SNX29: variants seen among roughly 807,000 people sequenced by gnomAD.
SNX29 encodes the protein sorting nexin 29.
SNX29 carries 78 observed loss-of-function variants against 102.1 expected under a neutral mutation model. The ratio of observed to expected loss-of-function variants is 0.76; its 90% confidence interval spans 0.64 to 0.92. The LOEUF (loss-of-function observed/expected upper bound fraction) is 0.92. SNX29 is among the 40% of genes least tolerant of loss of function. The probability of loss-of-function intolerance (pLI) is 0.00; values close to 1 mark genes in which losing one functional copy is unlikely to be tolerated. For missense variants in SNX29, 1,280 were observed against 1,061.7 expected (o/e 1.21, Z -2.86); for synonymous variants, 580 against 414.5 (o/e 1.40, Z -4.85).
chr16:12,545,978 G>C lies in SNX29; in HGVS notation c.2318+21137G>C, dbSNP rs548983492. Among the ~76,000 whole-genome samples the C allele has an allele frequency of 5.3e-5, 8 of 152,268 alleles. No homozygotes were observed. In the East Asian group the frequency reaches 7.7e-4, roughly 15 times the overall value. ...AAGGGCAGGATGTGTGCTTCAGTGG[G>C]CACTGTAGTTTGAACACCTGGATGC... On this transcript the variant is annotated intron_variant, in intron 20 of 20. Transcript: ENST00000566228.
At chr16:12,277,416 C>T (rs1422460273) in intron 14 of SNX29, among the ~76,000 whole-genome samples, 1 of 151,956 alleles carries the variant, frequency 6.6e-6, no homozygotes, top group African/African-American at 2.4e-5. Context: ...AAAAAACAAA[C>T]AAAACCTCCA....
chr16:12,386,257 C>T (rs371044058), intron 16 of SNX29, among the ~76,000 whole-genome samples: 2 of 152,220 alleles, frequency 1.3e-5, no homozygotes, highest in East Asian at 1.9e-4. Flanking sequence ...GTGCGGCTTC[C>T]AGATAATGAT....
chr16:12,016,925 C>T (rs2056866254), intron 3 of SNX29, among the ~76,000 whole-genome samples: 1 of 151,666 alleles, frequency 6.6e-6, no homozygotes, highest in Non-Finnish European at 1.5e-5. Context: ...CCAGGAGTTA[C>T]AGACCAGCCT....
intron 11 of SNX29, among the ~76,000 whole-genome samples, chr16:12,097,303 G>C (rs150237380): frequency 6.6e-6 from 1 of 152,358 alleles, no homozygotes; most frequent in African/African-American, 2.4e-5. Flanking sequence ...GTGGCCGGTG[G>C]AGCTGGGTTG....
At chr16:12,387,893 C>G (rs1388153231) in intron 16 of SNX29, among the ~76,000 whole-genome samples, 4 of 152,178 alleles carry the variant, frequency 2.6e-5, no homozygotes, top group African/African-American at 7.2e-5. Context: ...GGAAATTAAA[C>G]TCTAAGGAAG....
chr16:12,446,298 C>T (rs1363710959), intron 18 of SNX29, among the ~76,000 whole-genome samples: 3 of 152,286 alleles, frequency 2.0e-5, no homozygotes, highest in East Asian at 1.9e-4. Context: ...TCAAGTGATC[C>T]ACCCGCCTTG....
In SNX29 at chr16:12,569,881, TGTGTGTTTC is replaced by T. The variant is rs1287669799; in HGVS notation, c.*1254_*1262del. 78 of 231,602 alleles carry T rather than the reference TGTGTGTTTC, an allele frequency of 3.4e-4. No individual in the cohort carries two copies. The highest frequency in any genetic ancestry group is 1.6e-3 in the African/African-American group (74 of 45,358). 14.3% of individuals were successfully genotyped at this position (231,602 alleles called of 1,614,324 possible). ...GAAATGGACTATGCAAGAGTAAGTTTGTGTGTTTCGCCTTAATCTGAGGCAGAGACACAG... is the reference window on the plus strand; with the variant it reads ...GAAATGGACTATGCAAGAGTAAGTTTGCCTTAATCTGAGGCAGAGACACAG... On this transcript the variant is annotated 3_prime_UTR_variant, in exon 21 of 21. Transcript: ENST00000566228.
chr16:12,549,740 C>A (rs190734611), intron 20 of SNX29, among the ~76,000 whole-genome samples: 1 of 152,206 alleles, frequency 6.6e-6, no homozygotes, highest in Non-Finnish European at 1.5e-5. Flanking sequence ...TGTGTTCCAG[C>A]ATTTACTTTG....
At position 12,487,228 on chromosome 16, in the gene SNX29, C is replaced by T. The variant is rs182817030; in HGVS notation, c.2178+9369C>T. Among the ~76,000 whole-genome samples, 255 of 152,210 alleles carry T rather than the reference C, an allele frequency of 1.7e-3. 1 individual carries two copies. The highest frequency in any genetic ancestry group is 6.0e-3 in the African/African-American group (250 of 41,522). ...GCATTGGGCTGGTAGTGAAGTGGGG[C>T]GAGCAGACACACACGTGCGTTCTCA... is the stretch of plus-strand genomic sequence containing the variant. On this transcript the variant is annotated intron_variant, in intron 19 of 20. Transcript: ENST00000566228.
chr16:12,131,312 C>G (rs769149149), intron 13 of SNX29, among the ~76,000 whole-genome samples: 1 of 152,208 alleles, frequency 6.6e-6, no homozygotes, highest in Non-Finnish European at 1.5e-5. Context: ...TGTTTATATA[C>G]TATTAAAGAA....
At chr16:12,260,006 A>G (rs1418200596) in intron 14 of SNX29, among the ~76,000 whole-genome samples, 2 of 152,144 alleles carry the variant, frequency 1.3e-5, no homozygotes, top group African/African-American at 4.8e-5. Flanking sequence ...ACGTTCCTCC[A>G]GTCTTCTCTT....
At chr16:12,388,519 A>G (rs1407124293) in intron 16 of SNX29, among the ~76,000 whole-genome samples, 1 of 152,204 alleles carries the variant, frequency 6.6e-6, no homozygotes, top group East Asian at 1.9e-4. Flanking sequence ...GCATCTTTCC[A>G]GCTATCAGTT....
At chr16:12,549,857 G>C (rs755527921) in intron 20 of SNX29, among the ~76,000 whole-genome samples, 17 of 152,270 alleles carry the variant, frequency 1.1e-4, no homozygotes, top group Admixed American at 2.0e-4. Context: ...TGACTGTGGT[G>C]AAACAGCCAA....
intron 14 of SNX29, among the ~76,000 whole-genome samples, chr16:12,248,536 T>G (rs956788477): frequency 4.6e-5 from 7 of 151,986 alleles, no homozygotes; most frequent in African/African-American, 1.7e-4. Context: ...ATTACAGGCG[T>G]GCACCACCAT....
chr16:12,479,239 A>G (rs1207552382), intron 19 of SNX29, among the ~76,000 whole-genome samples: 1 of 152,200 alleles, frequency 6.6e-6, no homozygotes, highest in Non-Finnish European at 1.5e-5. Flanking sequence ...TCTTTTGACA[A>G]AGCCATGTGG....
At chr16:12,539,671 G>A (rs1269644163) in intron 20 of SNX29, among the ~76,000 whole-genome samples, 1 of 152,174 alleles carries the variant, frequency 6.6e-6, no homozygotes, top group Non-Finnish European at 1.5e-5. Context: ...GAGGGGCCCA[G>A]TTGCTCTGCA....
intron 20 of SNX29, among the ~76,000 whole-genome samples, chr16:12,552,377 C>T (rs114563084): frequency 6.6e-6 from 1 of 152,200 alleles, no homozygotes; most frequent in Non-Finnish European, 1.5e-5. Context: ...TGTAAGACAG[C>T]AAGCATGGTA....
intron 15 of SNX29, among the ~76,000 whole-genome samples, chr16:12,305,181 G>A (rs2080300806): frequency 6.6e-6 from 1 of 152,196 alleles, no homozygotes; most frequent in Non-Finnish European, 1.5e-5. Context: ...TGTATATATA[G>A]GTCTTTTGAG....
chr16:12,189,777 G>A (rs144853963), intron 13 of SNX29, among the ~76,000 whole-genome samples: 68 of 151,890 alleles, frequency 4.5e-4, no homozygotes, highest in African/African-American at 1.4e-3. Flanking sequence ...TGCCCGGATC[G>A]TCTCAGAGCG....
Sources: allele counts gnomAD v4.1 joint callset (sites outside exome capture counted in the v4.1 genomes callset), GRCh38; gene constraint gnomAD v4.1.1; transcripts MANE v1.5; gene names NCBI Gene and HGNC (gene_info 2026-07-23, HGNC 2026-07-21).